The following ATP8A2 variants were observed in gnomAD, a reference collection of about 807,000 sequenced individuals.
ATP8A2 encodes the protein phospholipid-transporting ATPase IB.
Under a neutral mutation model 165.6 loss-of-function variants are expected in ATP8A2, and 100 were observed. The observed-to-expected ratio is 0.60, with a 90% CI of 0.51 to 0.71. The LOEUF (loss-of-function observed/expected upper bound fraction) is 0.71. ATP8A2 is among the 30% of genes least tolerant of loss of function. The pLI, the probability that ATP8A2 is intolerant of heterozygous loss-of-function variation, is 0.00. For synonymous variants in ATP8A2, 543 were observed against 548.8 expected, an observed-to-expected ratio of 0.99 and a Z score of 0.15; for missense variants, 1,227 against 1,479.5, an observed-to-expected ratio of 0.83 and a Z score of 2.80.
rs142456296 is a variant in ATP8A2 at position 25,419,368 on chromosome 13, G to A, written c.76+47080G>A. 1.1e-3 allele frequency among the ~76,000 whole-genome samples: 169 copies of A among 152,290 alleles called. 2 individuals carry two copies. Among genetic ancestry groups the A allele is most frequent in the African/African-American group, 3.8e-3 (158 of 41,558 alleles). On this transcript the variant is annotated intron_variant, in intron 1 of 36. Coordinates refer to ENST00000381655, the MANE Select transcript of ATP8A2 (RefSeq NM_016529.6). ...CTCCCCCATCACTAGGCTCATGGCT[G>A]AGGCCCCCATCTGTTAAAAAAGGCA...
intron 2 of ATP8A2, among the ~76,000 whole-genome samples, chr13:25,498,270 G>A (rs1397759196): frequency 6.6e-6 from 1 of 152,186 alleles, no homozygotes; most frequent in African/African-American, 2.4e-5. Context: ...CAATATTTGT[G>A]TGCCTGCTTG....
At position 25,553,779 on chromosome 13, in the gene ATP8A2, G is replaced by C; in HGVS notation, c.1058-14G>C. 1 of 1,608,882 alleles carries C rather than the reference G, an allele frequency of 6.2e-7. No individual in the cohort carries two copies. Among genetic ancestry groups the C allele is most frequent in the Non-Finnish European group, 8.5e-7 (1 of 1,178,058 alleles). ...TTGTGAACACCTTTCAGATACTCTG[G>C]TTTCCTTCCACAGACACCACCTCAG... On this transcript the variant is annotated splice_polypyrimidine_tract_variant and intron_variant, in intron 11 of 36. Transcript: ENST00000381655.
At chr13:25,481,189 G>GGGAGAC (rs1270772696) in intron 2 of ATP8A2, among the ~76,000 whole-genome samples, 3 of 146,010 alleles carry the variant, frequency 2.1e-5, no homozygotes, top group Admixed American at 6.8e-5. Context: ...GAGAGGGAGA[G>GGGAGAC]GGACAGGGAG....
rs1953287908 is a variant in ATP8A2, at chr13:25,889,566, T to C, written c.3183+27158T>C. Among the ~76,000 whole-genome samples the C allele has an allele frequency of 2.0e-5, 3 of 152,020 alleles. No individual in the cohort carries two copies. In the South Asian group the frequency reaches 6.3e-4, roughly 32 times the overall value. On this transcript the variant is annotated intron_variant, in intron 33 of 36. Transcript: ENST00000381655. ...GCTTGGTATAGGTTTTCAGGCACCT[T>C]AGCTCTTTTCCTGTTAGATGTCAGT...
rs528960384 is a variant in ATP8A2, at chr13:25,827,003, C to G, written c.2680-1115C>G. On this transcript the variant is annotated intron_variant, in intron 27 of 36. Coordinates refer to ENST00000381655, the MANE Select transcript of ATP8A2 (RefSeq NM_016529.6). ...TCAGGTTTCTGTCCTCCCGGTGGCT[C>G]GGCCCTCTTCTACCCCAGTCCTGCT... 2.6e-5 allele frequency among the ~76,000 whole-genome samples: 4 copies of G among 152,090 alleles called. No individual in the cohort carries two copies. In the South Asian group the frequency reaches 8.3e-4, roughly 32 times the overall value.
chr13:25,836,285 T>C (rs1280057182), intron 28 of ATP8A2, among the ~76,000 whole-genome samples: 1 of 152,160 alleles, frequency 6.6e-6, no homozygotes, highest in Non-Finnish European at 1.5e-5. Context: ...TTTGGTCAGG[T>C]CTGCTGGGGC....
At chr13:25,571,137 A>G (rs1239335014) in intron 17 of ATP8A2, among the ~76,000 whole-genome samples, 1 of 152,192 alleles carries the variant, frequency 6.6e-6, no homozygotes, top group Non-Finnish European at 1.5e-5. Flanking sequence ...TGGGCTTGAC[A>G]GAGCTCTGAA....
At chr13:25,539,039 G>C (rs1361580876) in intron 7 of ATP8A2, among the ~76,000 whole-genome samples, 5 of 150,632 alleles carry the variant, frequency 3.3e-5, no homozygotes, top group African/African-American at 1.2e-4. Flanking sequence ...TTTAAGTCTT[G>C]GCTGTGACCT....
At chr13:25,624,547 G>C (rs2041054467) in intron 24 of ATP8A2, among the ~76,000 whole-genome samples, 3 of 152,090 alleles carry the variant, frequency 2.0e-5, no homozygotes, top group Admixed American at 2.0e-4. Flanking sequence ...TATTTTCAAT[G>C]GTGCCTCTAT....
chr13:25,746,747 C>G (rs1047699963), intron 25 of ATP8A2, among the ~76,000 whole-genome samples: 2 of 152,164 alleles, frequency 1.3e-5, no homozygotes, highest in Non-Finnish European at 2.9e-5. Flanking sequence ...TTGATTCCAG[C>G]TGAAGTGTTT....
chr13:25,931,984 G>T (rs1181546210), intron 33 of ATP8A2, among the ~76,000 whole-genome samples: 1 of 151,186 alleles, frequency 6.6e-6, no homozygotes, highest in Non-Finnish European at 1.5e-5. Flanking sequence ...GGAGGTGTAG[G>T]TTGCAGCAAG....
At chr13:25,518,121 G>T (rs529941616) in intron 2 of ATP8A2, among the ~76,000 whole-genome samples, 6 of 152,344 alleles carry the variant, frequency 3.9e-5, no homozygotes, top group African/African-American at 1.2e-4. Context: ...TGGTGGTGTT[G>T]CTCTTGTTCT....
intron 33 of ATP8A2, among the ~76,000 whole-genome samples, chr13:25,900,263 G>A (rs1200229852): frequency 6.6e-6 from 1 of 152,128 alleles, no homozygotes; most frequent in African/African-American, 2.4e-5. Flanking sequence ...TGAGTTCCAT[G>A]CCTCTTCATG....
chr13:25,609,758 C>G (rs968221161), intron 24 of ATP8A2, among the ~76,000 whole-genome samples: 5 of 150,296 alleles, frequency 3.3e-5, no homozygotes, highest in Admixed American at 6.6e-5. Context: ...TAAAAGTGTT[C>G]TCTTCACTGC....
chr13:25,511,853 CTTG>C (rs1191479358), intron 2 of ATP8A2, among the ~76,000 whole-genome samples: 3 of 150,750 alleles, frequency 2.0e-5, no homozygotes, highest in African/African-American at 7.3e-5. Context: ...TTCTGTATAA[CTTG>C]TTAATATTAT....
At chr13:25,985,439 G>A (rs1956261264) in intron 35 of ATP8A2, among the ~76,000 whole-genome samples, 1 of 152,156 alleles carries the variant, frequency 6.6e-6, no homozygotes, top group Admixed American at 6.5e-5. Flanking sequence ...GAACTCTTAT[G>A]TCAGTAGAAG....
At chr13:25,376,651 A>C (rs182060134) in intron 1 of ATP8A2, among the ~76,000 whole-genome samples, 1 of 152,356 alleles carries the variant, frequency 6.6e-6, no homozygotes, top group African/African-American at 2.4e-5. Flanking sequence ...TATCAAGATG[A>C]TATCGACAAC....
At chr13:25,746,203 G>A (rs1342221471) in intron 25 of ATP8A2, among the ~76,000 whole-genome samples, 3 of 152,154 alleles carry the variant, frequency 2.0e-5, no homozygotes, top group African/African-American at 7.2e-5. Flanking sequence ...TGATGATAAA[G>A]CCAACTCAAG....
chr13:26,005,378 G>A (rs1956717954), intron 35 of ATP8A2, among the ~76,000 whole-genome samples: 1 of 151,390 alleles, frequency 6.6e-6, no homozygotes, highest in South Asian at 2.1e-4. Flanking sequence ...TCTTATCTTT[G>A]GAAAAAAACA....
Sources: allele counts gnomAD v4.1 joint callset (sites outside exome capture counted in the v4.1 genomes callset), GRCh38; gene constraint gnomAD v4.1.1; transcripts MANE v1.5; gene names NCBI Gene and HGNC (gene_info 2026-07-23, HGNC 2026-07-21).